The following TBCA variants were observed in gnomAD, a reference collection of about 807,000 sequenced individuals.
The protein encoded by TBCA is tubulin folding cofactor A.
Under a neutral mutation model 15.8 loss-of-function variants are expected in TBCA, and 6 were observed. The observed-to-expected ratio is 0.38, with a 90% CI of 0.21 to 0.75. The LOEUF (loss-of-function observed/expected upper bound fraction) is 0.75, where lower values mean the gene tolerates loss of function less well. Among genes scored for constraint, TBCA ranks in the 30% least tolerant of loss-of-function variants. The pLI is 0.46. For missense variants in TBCA, 90 were observed against 131.2 expected, an observed-to-expected ratio of 0.69 and a Z score of 1.53; for synonymous variants, 32 against 42.3, an observed-to-expected ratio of 0.76 and a Z score of 0.94.
At chr5:77,758,558 A>C (rs1269176397) in intron 1 of TBCA, among the ~76,000 whole-genome samples, 1 of 152,204 alleles carries the variant, frequency 6.6e-6, no homozygotes, top group African/African-American at 2.4e-5. Flanking sequence ...AGCTGAATAA[A>C]GCCCTTCCTT....
chr5:77,703,232 T>C (rs1746064789), intron 2 of TBCA, among the ~76,000 whole-genome samples: 1 of 152,212 alleles, frequency 6.6e-6, no homozygotes, highest in Non-Finnish European at 1.5e-5. Flanking sequence ...TACCAGTTTG[T>C]CTTATTACTT....
At chr5:77,752,535 T>TAATAGA in intron 1 of TBCA, among the ~76,000 whole-genome samples, 1 of 94,330 alleles carries the variant, frequency 1.1e-5, no homozygotes, top group Admixed American at 1.1e-4. Context: ...GGCTTATTTT[T>TAATAGA]GTTTTGTTTT....
At chr5:77,739,193 G>A (rs566870315) in intron 1 of TBCA, among the ~76,000 whole-genome samples, 1 of 152,118 alleles carries the variant, frequency 6.6e-6, no homozygotes, top group Admixed American at 6.5e-5. Flanking sequence ...GGGCACAGTG[G>A]CTCATGCCTG....
At chr5:77,723,624 T>TA (rs34625177) in intron 1 of TBCA, among the ~76,000 whole-genome samples, 16 of 150,610 alleles carry the variant, frequency 1.1e-4, no homozygotes, top group Admixed American at 2.6e-4. Context: ...AGAATGGCCT[T>TA]AAAAAAAAAT....
chr5:77,751,207 C>T (rs1285609603), intron 1 of TBCA, among the ~76,000 whole-genome samples: 1 of 131,942 alleles, frequency 7.6e-6, no homozygotes, highest in Non-Finnish European at 1.5e-5. Flanking sequence ...CTCTTGTTGC[C>T]CTGGAGTACA....
intron 2 of TBCA, among the ~76,000 whole-genome samples, chr5:77,703,019 GA>G (rs1202319800): frequency 2.6e-5 from 4 of 152,048 alleles, no homozygotes; most frequent in Non-Finnish European, 5.9e-5. Context: ...TATATTTAAT[GA>G]AAAACATTTC....
chr5:77,691,618 A>C, intron 3 of TBCA, 120 bp from the exon 4 acceptor site: 1 of 1,420,194 alleles, frequency 7.0e-7, no homozygotes. Context: ...AAAAAATCCC[A>C]AGCCTCATCT....
intron 1 of TBCA, among the ~76,000 whole-genome samples, chr5:77,712,966 ATG>A (rs1272850146): frequency 6.6e-6 from 1 of 152,080 alleles, no homozygotes; most frequent in Non-Finnish European, 1.5e-5. Flanking sequence ...TTCTCTCAAC[ATG>A]TGTGTGTGAA....
At chr5:77,701,828 T>C (rs900927147) in intron 2 of TBCA, among the ~76,000 whole-genome samples, 9 of 150,654 alleles carry the variant, frequency 6.0e-5, no homozygotes, top group African/African-American at 1.7e-4. Context: ...TCAGTATATA[T>C]AGATATATGA....
intron 1 of TBCA, among the ~76,000 whole-genome samples, chr5:77,717,040 T>C (rs1486209761): frequency 1.3e-5 from 2 of 152,188 alleles, no homozygotes; most frequent in African/African-American, 4.8e-5. Context: ...TTGTCACCTG[T>C]GTGTGACACC....
At chr5:77,733,347 C>T (rs1396439682) in intron 1 of TBCA, among the ~76,000 whole-genome samples, 1 of 152,184 alleles carries the variant, frequency 6.6e-6, no homozygotes, top group East Asian at 1.9e-4. Flanking sequence ...CCAAGATAGG[C>T]CTAAAGCTGG....
intron 1 of TBCA, among the ~76,000 whole-genome samples, chr5:77,719,317 T>G (rs1746475788): frequency 6.6e-6 from 1 of 152,186 alleles, no homozygotes; most frequent in African/African-American, 2.4e-5. Flanking sequence ...TTTTCAAAAT[T>G]TAAATTTCTT....
chr5:77,716,398 G>A (rs1481499775), intron 1 of TBCA, among the ~76,000 whole-genome samples: 1 of 152,088 alleles, frequency 6.6e-6, no homozygotes, highest in Non-Finnish European at 1.5e-5. Flanking sequence ...TATGATATTG[G>A]TATATCATGA....
At chr5:77,717,137 T>C (rs2112450732) in intron 1 of TBCA, among the ~76,000 whole-genome samples, 1 of 152,352 alleles carries the variant, frequency 6.6e-6, no homozygotes, top group Non-Finnish European at 1.5e-5. Flanking sequence ...CAGTCTTTGA[T>C]GATGGTACTG....
chr5:77,705,794 G>A (rs925669585), intron 2 of TBCA, among the ~76,000 whole-genome samples: 16 of 152,002 alleles, frequency 1.1e-4, no homozygotes, highest in Non-Finnish European at 7.4e-5. Context: ...TCACACCACC[G>A]TACTCCAGCT....
At chr5:77,758,248 CGGCCTGGCACCAGGCCCAAAACCA>C (rs544974803) in intron 1 of TBCA, among the ~76,000 whole-genome samples, 17 of 149,764 alleles carry the variant, frequency 1.1e-4, no homozygotes, top group Non-Finnish European at 2.1e-4. Flanking sequence ...CAAAGACAGG[CGGCCTGGCACCAGGCCCAAAACCA>C]GGCCTGGGCC....
At chr5:77,755,220 TTA>T (rs1747444060) in intron 1 of TBCA, among the ~76,000 whole-genome samples, 1 of 152,166 alleles carries the variant, frequency 6.6e-6, no homozygotes, top group African/African-American at 2.4e-5. Flanking sequence ...CTTAGGAATT[TTA>T]TAGTTACAGG....
intron 2 of TBCA, among the ~76,000 whole-genome samples, chr5:77,705,800 C>T (rs892217509): frequency 7.2e-5 from 11 of 152,064 alleles, no homozygotes; most frequent in Non-Finnish European, 1.2e-4. Flanking sequence ...CACCGTACTC[C>T]AGCTTGGGCA....
chr5:77,736,908 T>C (rs1225233238), intron 1 of TBCA, among the ~76,000 whole-genome samples: 1 of 152,166 alleles, frequency 6.6e-6, no homozygotes, highest in Non-Finnish European at 1.5e-5. Flanking sequence ...ACAAATCATA[T>C]AGATGATGGG....
Sources: gnomAD v4.1 joint callset for allele counts (sites outside exome capture counted in the v4.1 genomes callset) on GRCh38, gnomAD v4.1.1 for gene constraint, MANE v1.5 for transcripts, NCBI Gene and HGNC (gene_info 2026-07-23, HGNC 2026-07-21) for gene names.